The following MED12L variants were observed in gnomAD, a reference collection of about 807,000 sequenced individuals.
The protein encoded by MED12L is mediator complex subunit 12L, also known as mediator of RNA polymerase II transcription subunit 12-like protein.
A neutral mutation model predicts 281.3 loss-of-function variants in MED12L; 60 were observed. The ratio of observed to expected loss-of-function variants is 0.21; its 90% CI spans 0.17 to 0.26. The LOEUF (loss-of-function observed/expected upper bound fraction) is 0.26, where lower values mean the gene tolerates loss of function less well. Among genes scored for constraint, MED12L ranks in the 10% least tolerant of loss-of-function variants. MED12L has a pLI of 1.00. For synonymous variants in MED12L, 974 were observed against 987.2 expected, an observed-to-expected ratio of 0.99 and a Z score of 0.25; for missense variants, 2,146 against 2,680.9, an observed-to-expected ratio of 0.80 and a Z score of 4.41.
intron 26 of MED12L, among the ~76,000 whole-genome samples, 198 bp downstream of exon 26, chr3:151,369,747 T>C (rs1755953602): frequency 6.6e-6 from 1 of 152,186 alleles, no homozygotes; most frequent in African/African-American, 2.4e-5. Flanking sequence ...CTAGTGTCTC[T>C]GGGGGAACTT....
intron 28 of MED12L, 90 bp downstream of exon 28, chr3:151,376,304 A>C (rs922721961): frequency 4.7e-5 from 50 of 1,058,944 alleles, no homozygotes; most frequent in Admixed American, 3.2e-4. Flanking sequence ...TGTCCTTGCT[A>C]ATTTGTGATT....
chr3:151,272,028 G>T (rs1450089955), intron 16 of MED12L, among the ~76,000 whole-genome samples: 1 of 152,152 alleles, frequency 6.6e-6, no homozygotes, highest in Non-Finnish European at 1.5e-5. Context: ...AAAAGTCAAA[G>T]GCACAAAACT....
At chr3:151,185,891 T>C (rs1723191639) in intron 12 of MED12L, among the ~76,000 whole-genome samples, 1 of 152,102 alleles carries the variant, frequency 6.6e-6, no homozygotes, top group East Asian at 1.9e-4. Flanking sequence ...TAGCATCTGA[T>C]TTAGAACAAA....
In MED12L at chr3:151,336,054, A is replaced by G. The variant is rs151135640; in HGVS notation, c.2251-14005A>G. 1.6e-3 allele frequency among the ~76,000 whole-genome samples: 240 copies of G among 152,260 alleles called. 1 individual carries two copies. Among genetic ancestry groups the G allele is most frequent in the East Asian group, 1.2e-3 (6 of 5,184 alleles). ...CAGTTTCAGTCCATGCTCTACCCCA[A>G]CTTGAATGGGTGGAGGGATGAGTCT... On this transcript the variant is annotated intron_variant, in intron 16 of 44. Coordinates refer to ENST00000687756, the MANE Select transcript of MED12L (RefSeq NM_001393769.1).
At chr3:151,165,777 G>A (rs1404031952) in intron 10 of MED12L, 69 bp from the exon 11 acceptor site, 2 of 1,486,256 alleles carry the variant, frequency 1.3e-6, no homozygotes, top group East Asian at 4.5e-5. Context: ...ATAGAATGGT[G>A]ATTTTGTACT....
intron 16 of MED12L, among the ~76,000 whole-genome samples, chr3:151,277,719 T>G (rs1742127287): frequency 6.6e-6 from 1 of 152,234 alleles, no homozygotes; most frequent in Admixed American, 6.5e-5. Flanking sequence ...AAATATTTGC[T>G]ATGCCTAGGA....
intron 16 of MED12L, among the ~76,000 whole-genome samples, chr3:151,299,351 TCC>T (rs1745550031): frequency 6.9e-6 from 1 of 144,196 alleles, no homozygotes; most frequent in Non-Finnish European, 1.5e-5. Flanking sequence ...TTTCCTTCCT[TCC>T]TTCTTTCTTT....
At chr3:151,128,406 A>AT (rs375135564) in intron 5 of MED12L, among the ~76,000 whole-genome samples, 3 of 152,218 alleles carry the variant, frequency 2.0e-5, no homozygotes, top group African/African-American at 7.2e-5. Context: ...ATTTGCAGCA[A>AT]TTTTTTATTA....
At chr3:151,091,058 AC>A (rs1419442700) in intron 2 of MED12L, among the ~76,000 whole-genome samples, 1 of 152,098 alleles carries the variant, frequency 6.6e-6, no homozygotes, top group Non-Finnish European at 1.5e-5. Flanking sequence ...AAACAAAACA[AC>A]AACAACAAAA....
intron 16 of MED12L, among the ~76,000 whole-genome samples, chr3:151,237,158 C>T (rs1406190269): frequency 4.0e-5 from 6 of 151,032 alleles, no homozygotes; most frequent in Non-Finnish European, 7.4e-5. Context: ...TCTGCCTCAG[C>T]CTCCATAGTA....
intron 16 of MED12L, among the ~76,000 whole-genome samples, chr3:151,238,427 G>A (rs527990056): frequency 3.9e-5 from 6 of 152,188 alleles, no homozygotes; most frequent in Non-Finnish European, 7.3e-5. Flanking sequence ...GATTACAGGC[G>A]TGAGCCACCG....
In MED12L at chr3:151,330,315, C is replaced by T. The variant is rs944814985; in HGVS notation, c.2251-19744C>T. Among the ~76,000 whole-genome samples the T allele has an allele frequency of 3.3e-5, 5 of 152,174 alleles. No homozygotes were observed. The East Asian group carries it at 7.7e-4, about 23-fold the overall frequency. On this transcript the variant is annotated intron_variant, in intron 16 of 44. Coordinates refer to ENST00000687756, the MANE Select transcript of MED12L (RefSeq NM_001393769.1). ...TCCAGATAGAGATATTATACTCTTT[C>T]ACTTAGTAGAGGGCCATTTTTAGAA...
chr3:151,261,248 A>C (rs186612247), intron 16 of MED12L: 1 of 152,322 alleles, frequency 6.6e-6, no homozygotes, highest in East Asian at 1.9e-4. Flanking sequence ...GAGACCAAAA[A>C]AAAACCCCAA....
Position 151,357,311 on chromosome 3 carries a change from T to C in MED12L, c.2760T>C (p.Ala920=), listed in dbSNP as rs1335126094. 2 of 1,613,846 alleles carry C rather than the reference T, an allele frequency of 1.2e-6. No individual in the cohort carries two copies. Among genetic ancestry groups the C allele is most frequent in the Non-Finnish European group, 1.7e-6 (2 of 1,179,900 alleles). Residue 920 remains alanine, a synonymous_variant, in exon 20 of 45, where the codon GCT becomes GCC. Coordinates refer to ENST00000687756, the MANE Select transcript of MED12L (RefSeq NM_001393769.1). ...YTTGLCVCIV[A]VLRRYHSCLI... Reference sequence around the variant, plus strand: ...CAGGACTGTGTGTCTGCATCGTGGCTGTTCTCAGGCGCTATCACAGTTGTC... The same window carrying C: ...CAGGACTGTGTGTCTGCATCGTGGCCGTTCTCAGGCGCTATCACAGTTGTC...
rs1411901253 is a variant in MED12L, at chr3:151,357,273, G to A, written c.2722G>A (p.Gly908Arg). 2.5e-6 allele frequency: 4 copies of A among 1,613,658 alleles called. No homozygotes were observed. Among genetic ancestry groups the A allele is most frequent in the Non-Finnish European group, 3.4e-6 (4 of 1,179,770 alleles). ...GCTCCTAAAATCCTCCAGCCTGGCA[G>A]GAAGTTATACAACAGGACTGTGTGT... ...ELLLKSSSLA[G>R]SYTTGLCVCI... The change falls in exon 20 of 45, where the codon GGA becomes AGA. Residue 908 changes from glycine (G) to arginine (R), a missense_variant. Transcript: ENST00000687756.
At chr3:151,416,605 C>G (rs1717584295) in intron 43 of MED12L, among the ~76,000 whole-genome samples, 183 bp downstream of exon 43, 1 of 152,138 alleles carries the variant, frequency 6.6e-6, no homozygotes, top group Admixed American at 6.5e-5. Flanking sequence ...TAGGAAGATA[C>G]AAGTAAATAT....
intron 43 of MED12L, among the ~76,000 whole-genome samples, chr3:151,419,102 G>A (rs2108409393): frequency 6.6e-6 from 1 of 152,274 alleles, no homozygotes; most frequent in East Asian, 1.9e-4. Context: ...TTGCCCTATT[G>A]TACTACCAAA....
intron 16 of MED12L, chr3:151,329,652 A>G (rs1224993523): frequency 1.8e-6 from 1 of 565,736 alleles, no homozygotes; most frequent in Non-Finnish European, 3.1e-6. Flanking sequence ...CCTTTGGGAC[A>G]TTTGCTAATA....
At chr3:151,120,418 A>ATT (rs1410919543) in intron 3 of MED12L, among the ~76,000 whole-genome samples, 1 of 152,238 alleles carries the variant, frequency 6.6e-6, no homozygotes, top group Admixed American at 6.5e-5. Context: ...GAAATAACAA[A>ATT]TGTGAAAGGC....
Sources: gnomAD v4.1 joint callset for allele counts (sites outside exome capture counted in the v4.1 genomes callset) on GRCh38, gnomAD v4.1.1 for gene constraint, MANE v1.5 for transcripts, NCBI Gene and HGNC (gene_info 2026-07-23, HGNC 2026-07-21) for gene names.